FREM1: variants seen among roughly 807,000 people sequenced by gnomAD.
FREM1 encodes the protein FRAS1 related extracellular matrix 1, also known as FRAS1-related extracellular matrix protein 1.
Under a neutral mutation model 210.1 loss-of-function variants are expected in FREM1, and 220 were observed. The ratio of observed to expected loss-of-function variants is 1.05; its 90% CI spans 0.94 to 1.17. FREM1 has a LOEUF of 1.17. Among genes scored for constraint, FREM1 ranks in the 50% most tolerant of loss-of-function variants. The probability of loss-of-function intolerance (pLI) is 0.00; values close to 1 mark genes in which losing one functional copy is unlikely to be tolerated. For synonymous variants in FREM1, 1,189 were observed against 980.2 expected, an observed-to-expected ratio of 1.21 and a Z score of -3.98; for missense variants, 3,454 against 2,675.5, an observed-to-expected ratio of 1.29 and a Z score of -6.42.
At chr9:14,888,679 A>C (rs1836241470) in intron 1 of FREM1, among the ~76,000 whole-genome samples, 1 of 152,214 alleles carries the variant, frequency 6.6e-6, no homozygotes, top group South Asian at 2.1e-4. Flanking sequence ...TCACATTTAA[A>C]TCAATAAAAT....
intron 21 of FREM1, among the ~76,000 whole-genome samples, chr9:14,795,734 T>C (rs1303242734): frequency 6.6e-6 from 1 of 152,192 alleles, no homozygotes; most frequent in African/African-American, 2.4e-5. Flanking sequence ...GTCTCAGTTT[T>C]CCTCAGTCAG....
intron 30 of FREM1, among the ~76,000 whole-genome samples, chr9:14,749,589 G>A (rs1471281276): frequency 6.6e-6 from 1 of 152,182 alleles, no homozygotes; most frequent in Non-Finnish European, 1.5e-5. Context: ...TAGTTCACAG[G>A]TTGTTCTTTA....
intron 14 of FREM1, among the ~76,000 whole-genome samples, chr9:14,817,790 G>A (rs1400886502): frequency 6.6e-6 from 1 of 152,110 alleles, no homozygotes; most frequent in Non-Finnish European, 1.5e-5. Context: ...CCTTCCTATG[G>A]TGGGGAAGTC....
At chr9:14,852,821 G>C (rs948680526) in intron 5 of FREM1, among the ~76,000 whole-genome samples, 4 of 152,196 alleles carry the variant, frequency 2.6e-5, no homozygotes, top group African/African-American at 9.7e-5. Flanking sequence ...CTTGCCATTG[G>C]GCTAGGAGTT....
intron 1 of FREM1, among the ~76,000 whole-genome samples, chr9:14,875,532 C>A (rs1833545703): frequency 6.6e-6 from 1 of 152,200 alleles, no homozygotes; most frequent in African/African-American, 2.4e-5. Flanking sequence ...CCATCAGTGC[C>A]TTTAAGCACT....
At chr9:14,829,414 C>G (rs1291454696) in intron 10 of FREM1, among the ~76,000 whole-genome samples, 1 of 152,100 alleles carries the variant, frequency 6.6e-6, no homozygotes, top group Non-Finnish European at 1.5e-5. Context: ...AATAAAGTCT[C>G]TGATATGAAC....
intron 10 of FREM1, among the ~76,000 whole-genome samples, chr9:14,826,598 C>T (rs1384854540): frequency 6.6e-6 from 1 of 152,146 alleles, no homozygotes; most frequent in Non-Finnish European, 1.5e-5. Flanking sequence ...TTACTTACCC[C>T]TTGGTATGGT....
intron 1 of FREM1, among the ~76,000 whole-genome samples, chr9:14,876,688 T>C (rs1169962487): frequency 6.6e-6 from 1 of 152,102 alleles, no homozygotes. Context: ...GCACCCACTG[T>C]CCTGCGCCCA....
chr9:14,759,202 A>T (rs1407298844), intron 28 of FREM1, among the ~76,000 whole-genome samples: 1 of 152,174 alleles, frequency 6.6e-6, no homozygotes, highest in Non-Finnish European at 1.5e-5. Context: ...TCAAAATTAA[A>T]AATGGATTTT....
At chr9:14,861,348 TAC>T (rs1564108856) in intron 3 of FREM1, among the ~76,000 whole-genome samples, 3 of 107,786 alleles carry the variant, frequency 2.8e-5, no homozygotes, top group African/African-American at 1.1e-4. Flanking sequence ...CACATATATA[TAC>T]ATATATACAC....
At chr9:14,774,357 A>G (rs372542282) in intron 25 of FREM1, among the ~76,000 whole-genome samples, 26 of 152,322 alleles carry the variant, frequency 1.7e-4, no homozygotes, top group African/African-American at 6.0e-4. Context: ...GAAGCCCCCC[A>G]AAAAGGAAGG....
intron 18 of FREM1, among the ~76,000 whole-genome samples, chr9:14,805,707 AT>A (rs1376556293): frequency 6.6e-6 from 1 of 152,254 alleles, no homozygotes; most frequent in Non-Finnish European, 1.5e-5. Context: ...GCTGAGTAAC[AT>A]TGAATGCAAT....
At chr9:14,813,167 T>C in intron 15 of FREM1, 103 bp from the exon 16 acceptor site, 2 of 1,239,398 alleles carry the variant, frequency 1.6e-6, no homozygotes, top group East Asian at 2.4e-5. Context: ...CATTTTCATC[T>C]TACAGACACA....
In FREM1 at chr9:14,756,296, C is replaced by T. The variant is rs967791799; in HGVS notation, c.5407+78G>A. 74 of 1,034,366 alleles carry T rather than the reference C, an allele frequency of 7.2e-5. 1 individual carries two copies. The African/African-American group carries it at 1.0e-3, about 15-fold the overall frequency. 64.1% of individuals were successfully genotyped at this position (1,034,366 alleles called of 1,614,324 possible). On this transcript the variant is annotated intron_variant, in intron 29 of 36. Transcript: ENST00000380880. ...CTAAAGTTGTGTAACATTCTATCTT[C>T]TCTACAATCTCCAGACATGCCTACA...
intron 6 of FREM1, chr9:14,850,594 G>A (rs1043573819): frequency 2.0e-5 from 3 of 152,122 alleles, no homozygotes; most frequent in Non-Finnish European, 2.9e-5. Flanking sequence ...GAGAACATCA[G>A]AAAAAATAGC....
At chr9:14,772,935 G>A (rs543945462) in intron 25 of FREM1, among the ~76,000 whole-genome samples, 6 of 152,102 alleles carry the variant, frequency 3.9e-5, no homozygotes, top group East Asian at 1.9e-4. Context: ...AATGCCTGTC[G>A]TGATCATGTG....
chr9:14,807,607 C>A (rs1371157707), intron 17 of FREM1, among the ~76,000 whole-genome samples: 3 of 151,970 alleles, frequency 2.0e-5, no homozygotes, highest in African/African-American at 7.3e-5. Context: ...ATTACATTTT[C>A]CCATGTGAAA....
chr9:14,785,695 A>ATATACTACATGAT (rs6150929), intron 23 of FREM1, among the ~76,000 whole-genome samples: 1 of 151,998 alleles, frequency 6.6e-6, no homozygotes, highest in Non-Finnish European at 1.5e-5. Context: ...ATGAAAAGAT[A>ATATACTACATGAT]TCCACTTACA....
chr9:14,822,477 T>C (rs1183565533), intron 13 of FREM1, among the ~76,000 whole-genome samples: 2 of 152,002 alleles, frequency 1.3e-5, no homozygotes, highest in Non-Finnish European at 2.9e-5. Flanking sequence ...TGGTTGATAA[T>C]GAATGGGTAA....
Sources: allele counts gnomAD v4.1 joint callset (sites outside exome capture counted in the v4.1 genomes callset), GRCh38; gene constraint gnomAD v4.1.1; transcripts MANE v1.5; gene names NCBI Gene and HGNC (gene_info 2026-07-23, HGNC 2026-07-21).